Variants in RGS12 observed in about 807,000 individuals in gnomAD.
The protein encoded by RGS12 is regulator of G-protein signaling 12.
In RGS12, 66 loss-of-function variants were observed where a neutral mutation model predicts 120.1. The observed-to-expected ratio is 0.55, with a 90% CI of 0.45 to 0.67. RGS12 has a LOEUF of 0.67. Ranked by LOEUF, RGS12 falls within the 30% of genes least tolerant of loss-of-function variation. The pLI is 0.00. For missense variants in RGS12, 1,859 were observed against 1,957.7 expected (o/e 0.95, Z 0.95); for synonymous variants, 827 against 804.7 (o/e 1.03, Z -0.47).
At chr4:3,293,977 A>G (rs371705758) in intron 1 of RGS12, among the ~76,000 whole-genome samples, 3 of 149,344 alleles carry the variant, frequency 2.0e-5, no homozygotes, top group South Asian at 2.1e-4. Context: ...GAGTGTAGAC[A>G]GTGGAGGGTG....
intron 3 of RGS12, among the ~76,000 whole-genome samples, chr4:3,355,077 C>T (rs1186658706): frequency 6.6e-6 from 1 of 152,038 alleles, no homozygotes; most frequent in Admixed American, 6.6e-5. Context: ...AAGGTGATTC[C>T]AGCAATTTAT....
chr4:3,287,572 C>T, the RGS12 span, among the ~76,000 whole-genome samples: 1 of 152,206 alleles, frequency 6.6e-6, no homozygotes, highest in East Asian at 1.9e-4. Context: ...CTGGCCCTGG[C>T]GGCCCGAGGA....
chr4:3,437,378 C>A (rs997847965), intron 17 of RGS12, among the ~76,000 whole-genome samples: 5 of 152,194 alleles, frequency 3.3e-5, no homozygotes, highest in Non-Finnish European at 5.9e-5. Context: ...CGGGGTAGAG[C>A]CGGGCTTCTG....
chr4:3,429,277 C>T (rs538965721), intron 16 of RGS12, among the ~76,000 whole-genome samples: 65 of 152,326 alleles, frequency 4.3e-4, no homozygotes, highest in African/African-American at 1.5e-3. Flanking sequence ...CTTGAAGCTC[C>T]TTTTTCTCCA....
intron 10 of RGS12, 148 bp downstream of exon 10, chr4:3,420,866 G>T: frequency 1.4e-6 from 1 of 732,546 alleles, no homozygotes; most frequent in Non-Finnish European, 2.2e-6. Flanking sequence ...GCCGGCCCAG[G>T]CACAGTGGCA....
At chr4:3,431,351 T>C (rs1282383087) in intron 17 of RGS12, 13 of 1,053,954 alleles carry the variant, frequency 1.2e-5, no homozygotes, top group African/African-American at 6.9e-5. Flanking sequence ...TGGAAAACAA[T>C]AGCATTTGTC....
chr4:3,321,567 C>A (rs969539386), intron 2 of RGS12, among the ~76,000 whole-genome samples: 7 of 152,312 alleles, frequency 4.6e-5, no homozygotes, highest in African/African-American at 7.2e-5. Flanking sequence ...GGCTACCCAG[C>A]GTCTGTATGC....
chr4:3,292,229 C>A (rs973158672), upstream of RGS12, among the ~76,000 whole-genome samples: 6 of 152,224 alleles, frequency 3.9e-5, no homozygotes, highest in Non-Finnish European at 8.8e-5. Context: ...GAACTCCGGC[C>A]TAAAGGGTGA....
At chr4:3,411,078 A>G (rs1721685589) in intron 4 of RGS12, among the ~76,000 whole-genome samples, 1 of 152,210 alleles carries the variant, frequency 6.6e-6, no homozygotes, top group Non-Finnish European at 1.5e-5. Context: ...CCAATGTTTT[A>G]AAAGATCATC....
rs147097006 is a variant in RGS12 at position 3,439,416 on chromosome 4, G to A, written c.4115-39G>A. On this transcript the variant is annotated intron_variant, in intron 17 of 17. Coordinates refer to ENST00000336727, the MANE Select transcript of RGS12 (RefSeq NM_001394154.1). Reference sequence around the variant, plus strand: ...GGGTGGGTTCCGGGGGCCCAGGGCCGGGCCAGGCAAGTGACAGCTTCTCTT... The same window carrying A: ...GGGTGGGTTCCGGGGGCCCAGGGCCAGGCCAGGCAAGTGACAGCTTCTCTT... The A allele has an allele frequency of 7.8e-5, 126 of 1,608,806 alleles. No homozygotes were observed. In the African/African-American group the frequency reaches 1.4e-3, roughly 18 times the overall value.
chr4:3,436,757 G>C (rs1004411334), intron 17 of RGS12, among the ~76,000 whole-genome samples: 1 of 152,184 alleles, frequency 6.6e-6, no homozygotes, highest in Non-Finnish European at 1.5e-5. Context: ...CCGGCAGCCG[G>C]TGAGGGGCCT....
At chr4:3,306,635 A>G (rs1033879212) in intron 1 of RGS12, among the ~76,000 whole-genome samples, 1 of 152,190 alleles carries the variant, frequency 6.6e-6, no homozygotes, top group Admixed American at 6.5e-5. Context: ...CTGCTCCGGC[A>G]CCGAAGCCTC....
intron 1 of RGS12, among the ~76,000 whole-genome samples, chr4:3,302,035 ACT>A (rs566028377): frequency 3.9e-3 from 588 of 151,494 alleles, no homozygotes; most frequent in Non-Finnish European, 6.8e-3. Flanking sequence ...TTATAGTCTC[ACT>A]CTGCACAGAT....
chr4:3,403,132 G>A (rs1050248056), intron 4 of RGS12, among the ~76,000 whole-genome samples: 2 of 152,172 alleles, frequency 1.3e-5, no homozygotes, highest in African/African-American at 2.4e-5. Flanking sequence ...TTTCACCCCC[G>A]CCTGTTGGCA....
chr4:3,368,854 G>A (rs906552114), intron 3 of RGS12, among the ~76,000 whole-genome samples: 1 of 152,036 alleles, frequency 6.6e-6, no homozygotes, highest in African/African-American at 2.4e-5. Flanking sequence ...TGGTGATGTG[G>A]TCTGGTCTAT....
chr4:3,406,281 G>A (rs1034959107), intron 4 of RGS12, among the ~76,000 whole-genome samples: 1 of 152,258 alleles, frequency 6.6e-6, no homozygotes, highest in African/African-American at 2.4e-5. Context: ...GGCTTCCTGT[G>A]CCTCAGAAAC....
chr4:3,372,056 C>T lies in RGS12; in HGVS notation c.1999-14360C>T, dbSNP rs1306949228. On this transcript the variant is annotated intron_variant, in intron 3 of 17. Coordinates refer to ENST00000336727, the MANE Select transcript of RGS12 (RefSeq NM_001394154.1). This position sits in a 1 kb window ranked among gnomAD's most constrained non-coding sequence, Gnocchi z 4.3. ...GCCGGGAAGATGCCCGTGCCTGTCA[C>T]CTAATCGGGGCACCTCATCCTGTTT... 6.6e-6 allele frequency among the ~76,000 whole-genome samples: 1 copy of T among 152,162 alleles called. No homozygotes were observed. Among genetic ancestry groups the T allele is most frequent in the Non-Finnish European group, 1.5e-5 (1 of 68,020 alleles).
Position 3,420,628 on chromosome 4 carries a change from T to C in RGS12, c.2762-14T>C, listed in dbSNP as rs1722909950. 6.2e-7 allele frequency: 1 copy of C among 1,613,262 alleles called. No homozygotes were observed. On this transcript the variant is annotated splice_polypyrimidine_tract_variant and intron_variant, in intron 9 of 17. Transcript: ENST00000336727. ...GTTCTGATTGACGTGAGTCACTGTG[T>C]TTCCCCTGTCAAGACGCCCTGCATG...
intron 3 of RGS12, among the ~76,000 whole-genome samples, chr4:3,358,754 A>G (rs939100138): frequency 2.0e-5 from 3 of 151,920 alleles, no homozygotes; most frequent in African/African-American, 7.3e-5. Context: ...GGATTTTTAC[A>G]TCAATATTCA....
Sources: allele counts gnomAD v4.1 joint callset (sites outside exome capture counted in the v4.1 genomes callset), GRCh38; gene constraint gnomAD v4.1.1; non-coding constraint Gnocchi (gnomAD v3.1); transcripts MANE v1.5; gene names NCBI Gene and HGNC (gene_info 2026-07-23, HGNC 2026-07-21).